FAM199X: variants seen among roughly 807,000 people sequenced by gnomAD.
FAM199X encodes family with sequence similarity 199, X-linked, also known as protein FAM199X.
Under a neutral mutation model 22.9 loss-of-function variants are expected in FAM199X, and 4 were observed. The observed-to-expected ratio is 0.17, with a 90% CI of 0.09 to 0.40. The LOEUF (loss-of-function observed/expected upper bound fraction) is 0.40, where lower values mean the gene tolerates loss of function less well. FAM199X is among the 10% of genes least tolerant of loss of function. The pLI, the probability that FAM199X is intolerant of heterozygous loss-of-function variation, is 1.00. For synonymous variants in FAM199X, 101 were observed against 112.3 expected (o/e 0.90, Z 0.64); for missense variants, 183 against 306.8 (o/e 0.60, Z 3.01).
Position 104,166,683 on chromosome X carries a change from C to A in FAM199X, c.-103C>A. ...CTGCCAGTGAGCTGCGACGGGCACA[C>A]CCCGGAGCGTCGGCGACTGCGGACA... On this transcript the variant is annotated 5_prime_UTR_variant, in exon 1 of 6. Transcript: ENST00000493442. 2.6e-6 allele frequency: 2 copies of A among 763,812 alleles called. No homozygotes were observed. Among genetic ancestry groups the A allele is most frequent in the South Asian group, 6.0e-5 (2 of 33,391 alleles). The allele number at this position is 763,812 out of a possible 1,213,427, so 62.9% of individuals were successfully genotyped here. A position where few individuals can be genotyped will look rare whatever the true frequency, so the allele number is the denominator to read the frequency against.
intron 2 of FAM199X, among the ~76,000 whole-genome samples, chrX:104,179,334 C>T (rs1260141643): frequency 9.0e-6 from 1 of 111,669 alleles, no homozygotes; most frequent in Admixed American, 9.5e-5. Context: ...TTGTAGTTTT[C>T]AATGTCTAAG....
intron 2 of FAM199X, among the ~76,000 whole-genome samples, chrX:104,180,039 G>A (rs1267055944): frequency 3.9e-5 from 4 of 101,575 alleles, no homozygotes; most frequent in African/African-American, 1.5e-4. Context: ...GTGCAGTGAT[G>A]CAAAAATGGG....
the FAM199X span, among the ~76,000 whole-genome samples, chrX:104,160,494 A>G: frequency 8.9e-6 from 1 of 112,799 alleles, no homozygotes; most frequent in Non-Finnish European, 1.9e-5. Flanking sequence ...GTTGGTTGCT[A>G]TATGTTTGTT....
In FAM199X at chrX:104,195,270, G is replaced by T. The variant is rs1313420261; in HGVS notation, c.*5492G>T. 1 of 111,508 alleles carries T rather than the reference G, an allele frequency of 9.0e-6. No individual in the cohort carries two copies. The highest frequency in any genetic ancestry group is 3.3e-5 in the African/African-American group (1 of 30,741). 9.2% of individuals were successfully genotyped at this position (111,508 alleles called of 1,213,427 possible). On this transcript the variant is annotated 3_prime_UTR_variant, in exon 6 of 6. Coordinates refer to ENST00000493442, the MANE Select transcript of FAM199X (RefSeq NM_207318.4). ...GCTGCTTACTACTTTATACTTCTGA[G>T]TCAGCTCCTTTCATGCTCTATCCCA...
chrX:104,179,749 C>T (rs1400469799), intron 2 of FAM199X, among the ~76,000 whole-genome samples: 2 of 110,307 alleles, frequency 1.8e-5, no homozygotes, highest in Non-Finnish European at 3.8e-5. Context: ...GTCTGCTTCT[C>T]GATGTGGTTT....
At chrX:104,163,381 C>G (rs1279371201), upstream of FAM199X, among the ~76,000 whole-genome samples, 2 of 111,566 alleles carry the variant, frequency 1.8e-5, no homozygotes, top group African/African-American at 3.3e-5. Context: ...AAATAAGGAA[C>G]TACTATACCC....
chrX:104,166,774 C>T lies in FAM199X; in HGVS notation c.-12C>T, dbSNP rs1921205638. 4 of 1,195,820 alleles carry T rather than the reference C, an allele frequency of 3.3e-6. No homozygotes were observed. The highest frequency in any genetic ancestry group is 3.2e-4 in the Middle Eastern group (1 of 3,146). On this transcript the variant is annotated 5_prime_UTR_variant, in exon 1 of 6. Coordinates refer to ENST00000493442, the MANE Select transcript of FAM199X (RefSeq NM_207318.4). ...GGCCAGAGAGGGAGCCCGAGCCAGG[C>T]CATCTCCAACCATGTCCGACGAGGC...
At chrX:104,179,813 G>C (rs1921598322) in intron 2 of FAM199X, among the ~76,000 whole-genome samples, 1 of 110,693 alleles carries the variant, frequency 9.0e-6, no homozygotes, top group Admixed American at 9.7e-5. Context: ...ATATTGGTCT[G>C]CAGTTTTCGT....
At chrX:104,162,973 C>T (rs782717394), upstream of FAM199X, among the ~76,000 whole-genome samples, 1 of 111,610 alleles carries the variant, frequency 9.0e-6, no homozygotes, top group South Asian at 3.7e-4. Flanking sequence ...TCTGCCCAGA[C>T]ATTTCCCTCT....
At chrX:104,169,592 G>A (rs1468429071) in intron 1 of FAM199X, among the ~76,000 whole-genome samples, 2 of 111,393 alleles carry the variant, frequency 1.8e-5, no homozygotes, top group Non-Finnish European at 3.8e-5. Flanking sequence ...TTTAAAGACA[G>A]AGTCCTGCTC....
intron 2 of FAM199X, among the ~76,000 whole-genome samples, chrX:104,177,457 T>G (rs1275826230): frequency 1.8e-5 from 2 of 112,401 alleles, no homozygotes; most frequent in Non-Finnish European, 3.8e-5. Context: ...GGATTTATAT[T>G]TTTAATTCTC....
chrX:104,167,982 T>G (rs1289866811), intron 1 of FAM199X, among the ~76,000 whole-genome samples: 2 of 111,881 alleles, frequency 1.8e-5, no homozygotes, highest in Admixed American at 1.9e-4. Flanking sequence ...TTCTGACTTC[T>G]GATCCAAGTT....
rs1556379198 is a variant in FAM199X, at chrX:104,186,606, T to G, written c.714T>G (p.Asp238Glu). ...EFIIELNCLT[D>E]EKLKQVRNYI... ...TTATTGAACTTAACTGTCTCACAGATGAAAAACTGAAGCAGGTATGTAAAG... is the reference window on the plus strand; with the variant it reads ...TTATTGAACTTAACTGTCTCACAGAGGAAAAACTGAAGCAGGTATGTAAAG... Residue 238 changes from aspartate to glutamate, a missense_variant, in exon 4 of 6, where the codon GAT (aspartate) becomes GAG (glutamate). This residue lies in a region of FAM199X where 128 missense variants were observed against 246.2 expected (regional missense o/e 0.52). Coordinates refer to ENST00000493442, the MANE Select transcript of FAM199X (RefSeq NM_207318.4). 8.3e-7 allele frequency: 1 copy of G among 1,202,360 alleles called. No homozygotes were observed. Among genetic ancestry groups the G allele is most frequent in the Admixed American group, 2.2e-5 (1 of 44,644 alleles).
chrX:104,164,447 TCATGTGGTC>T (rs2147886447), upstream of FAM199X, among the ~76,000 whole-genome samples: 1 of 112,036 alleles, frequency 8.9e-6, no homozygotes, highest in South Asian at 3.7e-4. Flanking sequence ...CAGTTAGTTA[TCATGTGGTC>T]ATACAGATAC....
chrX:104,162,977 T>TC (rs1921074906), upstream of FAM199X, among the ~76,000 whole-genome samples: 1 of 111,559 alleles, frequency 9.0e-6, no homozygotes, highest in South Asian at 3.7e-4. Flanking sequence ...CCCAGACATT[T>TC]CCCTCTGAAA....
intron 2 of FAM199X, among the ~76,000 whole-genome samples, chrX:104,184,976 A>T (rs1252089325): frequency 9.7e-6 from 1 of 102,625 alleles, no homozygotes; most frequent in African/African-American, 3.6e-5. Context: ...AGGTCTCGCT[A>T]TGTTGGACAG....
At chrX:104,158,569 C>T in the FAM199X span, among the ~76,000 whole-genome samples, 1 of 112,231 alleles carries the variant, frequency 8.9e-6, no homozygotes, top group Non-Finnish European at 1.9e-5. Context: ...TCCCTAGAGT[C>T]AGGAATTACT....
At chrX:104,157,205 G>T in the FAM199X span, among the ~76,000 whole-genome samples, 2 of 111,964 alleles carry the variant, frequency 1.8e-5, no homozygotes, top group African/African-American at 6.5e-5. Context: ...CAGTTTGTTT[G>T]TAAGTTGGCT....
chrX:104,187,621 G>A, intron 4 of FAM199X, among the ~76,000 whole-genome samples: 1 of 111,575 alleles, frequency 9.0e-6, no homozygotes, highest in Non-Finnish European at 1.9e-5. Flanking sequence ...GGTATTGTTG[G>A]CCCCTAGCTA....
Sources: gnomAD v4.1 joint callset for allele counts (sites outside exome capture counted in the v4.1 genomes callset) on GRCh38, gnomAD v4.1.1 for gene constraint, gnomAD v4.1.1 regional missense constraint, MANE v1.5 for transcripts, NCBI Gene and HGNC (gene_info 2026-07-23, HGNC 2026-07-21) for gene names.